Variants in PTK7 observed in about 807,000 individuals in gnomAD.
PTK7 encodes inactive tyrosine-protein kinase 7.
A neutral mutation model predicts 116.6 loss-of-function variants in PTK7; 39 were observed. The ratio of observed to expected loss-of-function variants is 0.33; its 90% CI spans 0.26 to 0.44. PTK7 has a LOEUF of 0.44. PTK7 is among the 20% of genes least tolerant of loss of function. The pLI, the probability that PTK7 is intolerant of heterozygous loss-of-function variation, is 1.00. For synonymous variants in PTK7, 546 were observed against 563.6 expected (o/e 0.97, Z 0.44); for missense variants, 1,169 against 1,425.6 (o/e 0.82, Z 2.90).
intron 1 of PTK7, among the ~76,000 whole-genome samples, chr6:43,093,929 T>C (rs767975600): frequency 2.0e-5 from 3 of 152,204 alleles, no homozygotes; most frequent in Non-Finnish European, 4.4e-5. Flanking sequence ...CATGCAAATG[T>C]CATGCTCCTG....
intron 1 of PTK7, among the ~76,000 whole-genome samples, chr6:43,116,862 C>T (rs1232910710): frequency 6.6e-6 from 1 of 152,040 alleles, no homozygotes; most frequent in African/African-American, 2.4e-5. Context: ...TTCGCTGTAT[C>T]GCCCAGGCTG....
chr6:43,142,475 C>T, intron 13 of PTK7, 176 bp downstream of exon 13: 1 of 1,043,680 alleles, frequency 9.6e-7, no homozygotes, highest in Admixed American at 2.0e-5. Flanking sequence ...CAGAGCCGGG[C>T]TGTCGTTTAT....
At chr6:43,130,143 G>C in intron 3 of PTK7, 87 bp from the exon 4 acceptor site, 2 of 1,358,050 alleles carry the variant, frequency 1.5e-6, no homozygotes, top group Non-Finnish European at 2.0e-6. Context: ...AAACTGAAAG[G>C]TCTAGCCCTG....
intron 1 of PTK7, among the ~76,000 whole-genome samples, chr6:43,081,978 C>T (rs1196492644): frequency 6.6e-6 from 1 of 152,050 alleles, no homozygotes; most frequent in Non-Finnish European, 1.5e-5. Flanking sequence ...GGTCTTCTAG[C>T]TTTCTCCAAG....
chr6:43,135,236 G>A (rs950848425), intron 7 of PTK7, among the ~76,000 whole-genome samples: 2 of 152,176 alleles, frequency 1.3e-5, no homozygotes, highest in Non-Finnish European at 2.9e-5. Context: ...ATGCAAACAG[G>A]GCCAGATCAG....
chr6:43,112,191 C>T (rs935048972), intron 1 of PTK7, among the ~76,000 whole-genome samples: 6 of 152,140 alleles, frequency 3.9e-5, no homozygotes, highest in Admixed American at 3.3e-4. Flanking sequence ...AGAGGCATTT[C>T]ATCCTTGTAG....
In PTK7 at chr6:43,160,815, G is replaced by A; in HGVS notation, c.3147G>A (p.Lys1049=). Residue 1049 remains lysine (K), a synonymous_variant, in exon 20 of 20, where the codon AAG becomes AAA. Coordinates refer to ENST00000230419, the MANE Select transcript of PTK7 (RefSeq NM_002821.5). ...LMQRCWALSP[K]DRPSFSEIAS... The stretch of plus-strand genomic sequence containing the variant: ...AGCGCTGCTGGGCCCTCAGCCCCAA[G>A]GACCGGCCCTCCTTCAGTGAGATTG... 6.2e-7 allele frequency: 1 copy of A among 1,614,184 alleles called. No individual in the cohort carries two copies. Among genetic ancestry groups the A allele is most frequent in the Non-Finnish European group, 8.5e-7 (1 of 1,180,014 alleles).
chr6:43,109,694 G>C (rs1768082619), intron 1 of PTK7, among the ~76,000 whole-genome samples: 1 of 150,890 alleles, frequency 6.6e-6, no homozygotes, highest in Non-Finnish European at 1.5e-5. Context: ...GTGCATTGGA[G>C]TATTTTCTTT....
chr6:43,138,842 T>C lies in PTK7; in HGVS notation c.1229-7T>C. On this transcript the variant is annotated splice_polypyrimidine_tract_variant and splice_region_variant and intron_variant, in intron 7 of 19. Transcript: ENST00000230419. ...CAGCCTTCACTGTTTCCTTCCTGTC[T>C]GTCTAGCTGTGCCCTCCTGGCTGAA... The C allele has an allele frequency of 6.2e-7, 1 of 1,601,292 alleles. No homozygotes were observed. The highest frequency in any genetic ancestry group is 8.5e-7 in the Non-Finnish European group (1 of 1,174,926).
At chr6:43,116,553 A>G (rs1768531134) in intron 1 of PTK7, among the ~76,000 whole-genome samples, 1 of 151,550 alleles carries the variant, frequency 6.6e-6, no homozygotes, top group African/African-American at 2.4e-5. Context: ...TCCAGCCTCT[A>G]GTGAATTTTT....
At chr6:43,142,738 T>C in intron 13 of PTK7, 1 of 220,374 alleles carries the variant, frequency 4.5e-6, no homozygotes. Flanking sequence ...TCTGGGGACT[T>C]GTTTCTGCAT....
intron 1 of PTK7, among the ~76,000 whole-genome samples, chr6:43,101,564 A>T (rs1372787361): frequency 1.4e-5 from 2 of 145,032 alleles, no homozygotes; most frequent in Admixed American, 6.9e-5. Flanking sequence ...AAAAAAAAAT[A>T]AAAAAAAAAA....
At chr6:43,102,600 C>CAA (rs894216479) in intron 1 of PTK7, among the ~76,000 whole-genome samples, 49 of 142,182 alleles carry the variant, frequency 3.4e-4, no homozygotes, top group Admixed American at 7.8e-4. Flanking sequence ...CCTACCCCAC[C>CAA]AAAAAAAAAC....
At chr6:43,146,482 G>C in intron 16 of PTK7, 136 bp from the exon 17 acceptor site, 1 of 712,992 alleles carries the variant, frequency 1.4e-6, no homozygotes, top group African/African-American at 1.8e-5. Context: ...ACTTCCCCCT[G>C]GGAAAGGGGC....
intron 18 of PTK7, among the ~76,000 whole-genome samples, 170 bp downstream of exon 18, chr6:43,159,138 G>A (rs536789528): frequency 3.3e-4 from 50 of 152,264 alleles, no homozygotes; most frequent in African/African-American, 1.1e-3. Context: ...GGTGCAGCAG[G>A]CTTCCCACCC....
In PTK7 at chr6:43,132,065, C is replaced by A. The variant is rs540612548; in HGVS notation, c.862C>A (p.Leu288Met). The change falls in exon 6 of 20, where the codon CTG becomes ATG. Residue 288 changes from leucine (L) to methionine (M), a missense_variant. This residue lies in a region of PTK7 where 487 missense variants were observed against 549.8 expected (regional missense o/e 0.89). Coordinates refer to ENST00000230419, the MANE Select transcript of PTK7 (RefSeq NM_002821.5). Reference sequence around the variant, plus strand: ...AGTGTTTGCCAACGGGTCTCTGCTGCTGACCCAGGTCCGGCCACGCAATGC... The same window carrying A: ...AGTGTTTGCCAACGGGTCTCTGCTGATGACCCAGGTCCGGCCACGCAATGC... ...ATVFANGSLL[L>M]TQVRPRNAGI... 1.2e-6 allele frequency: 2 copies of A among 1,614,142 alleles called. No homozygotes were observed. The highest frequency in any genetic ancestry group is 1.7e-5 in the Admixed American group (1 of 60,016).
At position 43,158,800 on chromosome 6, in the gene PTK7, C is replaced by T. The variant is rs907387753; in HGVS notation, c.2722-17C>T. ...CCTATTCCTGGGCTGCTCTAACAGG[C>T]CCCTTTATCTCTCCAGGTGGCCCTA... On this transcript the variant is annotated splice_polypyrimidine_tract_variant and intron_variant, in intron 17 of 19. Coordinates refer to ENST00000230419, the MANE Select transcript of PTK7 (RefSeq NM_002821.5). 2 of 1,612,252 alleles carry T rather than the reference C, an allele frequency of 1.2e-6. No individual in the cohort carries two copies.
intron 17 of PTK7, among the ~76,000 whole-genome samples, chr6:43,151,211 C>CTTTT (rs11398367): frequency 1.4e-5 from 2 of 141,874 alleles, no homozygotes; most frequent in Non-Finnish European, 3.1e-5. Flanking sequence ...CACCTGCCTT[C>CTTTT]TTTTTTTTTT....
rs564062468 is a variant in PTK7, at chr6:43,143,413, T to A, written c.2048-4T>A. On this transcript the variant is annotated splice_region_variant and splice_polypyrimidine_tract_variant and intron_variant, in intron 13 of 19. Coordinates refer to ENST00000230419, the MANE Select transcript of PTK7 (RefSeq NM_002821.5). This position sits in a 1 kb window ranked among gnomAD's most constrained non-coding sequence, Gnocchi z 4.2. The stretch of plus-strand genomic sequence containing the variant: ...CTGCCCAGACCCATCTGTGTGTCTC[T>A]CAGACAAGCCTGTGCCGGAGGAGTC... The A allele has an allele frequency of 4.3e-6, 7 of 1,613,286 alleles. No homozygotes were observed. In the South Asian group the frequency reaches 7.7e-5, roughly 18 times the overall value.
Sources: allele counts gnomAD v4.1 joint callset (sites outside exome capture counted in the v4.1 genomes callset), GRCh38; gene constraint gnomAD v4.1.1; regional missense constraint gnomAD v4.1.1; non-coding constraint Gnocchi (gnomAD v3.1); transcripts MANE v1.5; gene names NCBI Gene and HGNC (gene_info 2026-07-23, HGNC 2026-07-21).